Variants in MIR2052HG observed in about 807,000 individuals in gnomAD.
MIR2052HG encodes the protein MIR2052 host gene.
At chr8:74,660,939 T>C (rs980717477) in intron 2 of MIR2052HG, among the ~76,000 whole-genome samples, 6 of 152,134 alleles carry the variant, frequency 3.9e-5, no homozygotes, top group African/African-American at 1.4e-4. Flanking sequence ...GGAATAAACT[T>C]TATTTTTCCT....
At chr8:74,752,223 A>G (rs1251572003) in intron 4 of MIR2052HG, among the ~76,000 whole-genome samples, 1 of 150,612 alleles carries the variant, frequency 6.6e-6, no homozygotes, top group Non-Finnish European at 1.5e-5. Flanking sequence ...TCGAGGCTAC[A>G]GTGAGCCATC....
In MIR2052HG at chr8:74,607,120, T is replaced by TA. The variant is rs930404703; in HGVS notation, n.129-5720dup. ...ATAATGACCCACACAGAGTAAAACTTAAAAAAAAAAAAAGATTTGCTTGCT... is the reference window on the plus strand; with the variant it reads ...ATAATGACCCACACAGAGTAAAACTTAAAAAAAAAAAAAAGATTTGCTTGCT... On this transcript the variant is annotated intron_variant and non_coding_transcript_variant, in intron 1 of 6. Transcript: ENST00000523442. Among the ~76,000 whole-genome samples, 361 of 136,166 alleles carry TA rather than the reference T, an allele frequency of 2.7e-3. 2 individuals carry two copies. Among genetic ancestry groups the TA allele is most frequent in the East Asian group, 0.026 (125 of 4,740 alleles). 89.3% of individuals were successfully genotyped at this position (136,166 alleles called of 152,430 possible). A position where few individuals can be genotyped will look rare whatever the true frequency, so the allele number is the denominator to read the frequency against.
chr8:74,628,336 C>A (rs2128733738), intron 2 of MIR2052HG, among the ~76,000 whole-genome samples: 1 of 152,210 alleles, frequency 6.6e-6, no homozygotes, highest in Admixed American at 6.5e-5. Flanking sequence ...AACATAACTA[C>A]CTCGAGAAAT....
At chr8:74,715,865 A>T (rs1299909641) in intron 4 of MIR2052HG, among the ~76,000 whole-genome samples, 2 of 152,242 alleles carry the variant, frequency 1.3e-5, no homozygotes, top group Non-Finnish European at 2.9e-5. Context: ...AAATCATGTC[A>T]TCTACTTCTT....
chr8:74,729,380 T>C (rs369018652), intron 4 of MIR2052HG, among the ~76,000 whole-genome samples: 1 of 152,280 alleles, frequency 6.6e-6, no homozygotes, highest in East Asian at 1.9e-4. Context: ...TGTGCACTAT[T>C]TTATGTAACA....
At chr8:74,688,065 G>A (rs531854537) in intron 2 of MIR2052HG, among the ~76,000 whole-genome samples, 1 of 152,262 alleles carries the variant, frequency 6.6e-6, no homozygotes, top group East Asian at 1.9e-4. Flanking sequence ...CTGCTTACAA[G>A]AGAGAACATA....
intron 4 of MIR2052HG, among the ~76,000 whole-genome samples, chr8:74,734,718 G>C (rs534253984): frequency 5.3e-5 from 8 of 152,370 alleles, no homozygotes; most frequent in African/African-American, 1.9e-4. Flanking sequence ...TGAGGCCACT[G>C]CAGAGCAGCC....
At chr8:74,730,097 A>G (rs1809676914) in intron 4 of MIR2052HG, among the ~76,000 whole-genome samples, 1 of 152,186 alleles carries the variant, frequency 6.6e-6, no homozygotes, top group African/African-American at 2.4e-5. Context: ...CCTGCCTTTT[A>G]AAGTTTTGCT....
At chr8:74,754,836 AC>A (rs1809983295) in intron 5 of MIR2052HG, among the ~76,000 whole-genome samples, 1 of 152,232 alleles carries the variant, frequency 6.6e-6, no homozygotes, top group Non-Finnish European at 1.5e-5. Context: ...CCTTTTGGCC[AC>A]TGAAATTTTT....
intron 2 of MIR2052HG, among the ~76,000 whole-genome samples, chr8:74,627,256 A>G (rs1036403689): frequency 1.3e-5 from 2 of 151,496 alleles, no homozygotes; most frequent in Non-Finnish European, 2.9e-5. Flanking sequence ...AATCTCTCCC[A>G]CTCCCTACTG....
intron 2 of MIR2052HG, among the ~76,000 whole-genome samples, chr8:74,657,313 T>A (rs1808817076): frequency 6.6e-6 from 1 of 152,206 alleles, no homozygotes; most frequent in African/African-American, 2.4e-5. Flanking sequence ...CATCTGTAAA[T>A]GAAGTTTAGA....
intron 5 of MIR2052HG, chr8:74,757,993 T>C (rs1810022913): frequency 6.6e-6 from 1 of 152,170 alleles, no homozygotes; most frequent in Non-Finnish European, 1.5e-5. Context: ...ATCGGGACTG[T>C]GTCATAAATA....
intron 2 of MIR2052HG, among the ~76,000 whole-genome samples, chr8:74,633,525 C>G (rs1808545287): frequency 6.6e-6 from 1 of 152,204 alleles, no homozygotes; most frequent in Admixed American, 6.5e-5. Flanking sequence ...CACAAGGCTC[C>G]TCCTCAGAAT....
chr8:74,653,900 T>C (rs1808777226), intron 2 of MIR2052HG, among the ~76,000 whole-genome samples: 1 of 152,142 alleles, frequency 6.6e-6, no homozygotes, highest in Non-Finnish European at 1.5e-5. Flanking sequence ...ATGAAGAAAT[T>C]GTTGATTTAA....
chr8:74,695,437 G>A (rs918723063), intron 2 of MIR2052HG, among the ~76,000 whole-genome samples: 1 of 152,084 alleles, frequency 6.6e-6, no homozygotes, highest in African/African-American at 2.4e-5. Context: ...ATAGCACAAT[G>A]AATAGAATAG....
intron 1 of MIR2052HG, among the ~76,000 whole-genome samples, chr8:74,607,177 T>C (rs1040681074): frequency 2.0e-5 from 3 of 151,648 alleles, no homozygotes; most frequent in African/African-American, 7.3e-5. Context: ...GGAGTGGCTA[T>C]ATTAATATCA....
chr8:74,680,286 C>T (rs999876683), intron 2 of MIR2052HG, among the ~76,000 whole-genome samples: 1 of 151,948 alleles, frequency 6.6e-6, no homozygotes, highest in African/African-American at 2.4e-5. Context: ...ATATTAAAGA[C>T]ATCTAAACCA....
intron 2 of MIR2052HG, among the ~76,000 whole-genome samples, chr8:74,675,981 T>C (rs991718429): frequency 1.3e-5 from 2 of 152,000 alleles, no homozygotes; most frequent in African/African-American, 2.4e-5. Flanking sequence ...CTATGTTTAA[T>C]AGCCAGAGAG....
intron 2 of MIR2052HG, among the ~76,000 whole-genome samples, chr8:74,657,549 G>C (rs1586905508): frequency 6.6e-6 from 1 of 152,258 alleles, no homozygotes; most frequent in East Asian, 1.9e-4. Flanking sequence ...TCACACTGCT[G>C]ACAAAGACAA....
Sources: gnomAD v4.1 joint callset for allele counts (sites outside exome capture counted in the v4.1 genomes callset) on GRCh38, gnomAD v4.1.1 for gene constraint, MANE v1.5 for transcripts, NCBI Gene and HGNC (gene_info 2026-07-23, HGNC 2026-07-21) for gene names.